Variants in FANCB observed in about 807,000 individuals in gnomAD.
FANCB encodes Fanconi anemia group B protein.
FANCB carries 5 observed loss-of-function variants against 38.9 expected under a neutral mutation model. The ratio of observed to expected loss-of-function variants is 0.13; its 90% CI spans 0.07 to 0.27. FANCB has a LOEUF of 0.27. Ranked by LOEUF, FANCB falls within the 10% of genes least tolerant of loss-of-function variation. FANCB has a pLI of 1.00. For missense variants in FANCB, 573 were observed against 602.7 expected (o/e 0.95, Z 0.52); for synonymous variants, 236 against 215.4 (o/e 1.10, Z -0.84).
chrX:14,730,941 CACACACACA>C, the FANCB span: 1 of 78,053 alleles, frequency 1.3e-5, no homozygotes, highest in Non-Finnish European at 2.6e-5. Flanking sequence ...CACACACACA[CACACACACA>C]AACTTCAAAA....
the FANCB span, among the ~76,000 whole-genome samples, chrX:14,700,846 A>G: frequency 1.8e-5 from 2 of 110,213 alleles, no homozygotes; most frequent in Non-Finnish European, 1.9e-5. Context: ...GTACATTTAA[A>G]TGCTGATGAG....
At chrX:14,854,172 T>C (rs942683840) in intron 5 of FANCB, among the ~76,000 whole-genome samples, 2 of 111,599 alleles carry the variant, frequency 1.8e-5, no homozygotes, top group African/African-American at 3.3e-5. Context: ...CCTAGTTCTG[T>C]GGGATGCACA....
At chrX:14,829,211 TG>T in the FANCB span, among the ~76,000 whole-genome samples, 1 of 112,111 alleles carries the variant, frequency 8.9e-6, no homozygotes, top group African/African-American at 3.2e-5. Flanking sequence ...GAAATCTTTT[TG>T]TTCTGAGCAG....
the FANCB span, among the ~76,000 whole-genome samples, chrX:14,793,378 G>T: frequency 1.8e-5 from 2 of 111,966 alleles, no homozygotes; most frequent in African/African-American, 6.5e-5. Context: ...ATTGGCAGCT[G>T]CTTAGCAGTA....
the FANCB span, among the ~76,000 whole-genome samples, chrX:14,739,400 C>T: frequency 9.0e-6 from 1 of 111,496 alleles, no homozygotes; most frequent in Non-Finnish European, 1.9e-5. Context: ...AGAGTTTGAA[C>T]ATCCAGCACA....
chrX:14,784,195 A>C, the FANCB span, among the ~76,000 whole-genome samples: 349 of 112,527 alleles, frequency 3.1e-3, 1 homozygote, highest in African/African-American at 0.01. Flanking sequence ...GGGCAACAAG[A>C]AGCGAAACTC....
At chrX:14,805,846 C>T in the FANCB span, among the ~76,000 whole-genome samples, 282 of 111,985 alleles carry the variant, frequency 2.5e-3, 1 homozygote, top group African/African-American at 8.6e-3. Context: ...ATCCCATTCA[C>T]TGCAGCTCAA....
At position 14,860,117 on chromosome X, in the gene FANCB, C is replaced by T. The variant is rs750647261; in HGVS notation, c.952-783G>A. 9.0e-5 allele frequency among the ~76,000 whole-genome samples: 10 copies of T among 111,495 alleles called. No homozygotes were observed. In the South Asian group the frequency reaches 3.8e-3, roughly 42 times the overall value. On this transcript the variant is annotated intron_variant, in intron 3 of 9. Coordinates refer to ENST00000650831, the MANE Select transcript of FANCB (RefSeq NM_001018113.3). ...TAGCTGAAAGCCTCAAGATTGGTCCCAGGGTAAACTAACACCATGAGGATC... is the reference window on the plus strand; with the variant it reads ...TAGCTGAAAGCCTCAAGATTGGTCCTAGGGTAAACTAACACCATGAGGATC...
chrX:14,784,036 C>T, the FANCB span, among the ~76,000 whole-genome samples: 1 of 111,399 alleles, frequency 9.0e-6, no homozygotes, highest in Non-Finnish European at 1.9e-5. Flanking sequence ...ATGGTGAAAC[C>T]CCATCTCTAC....
the FANCB span, among the ~76,000 whole-genome samples, chrX:14,776,509 G>T: frequency 1.5e-4 from 17 of 111,993 alleles, no homozygotes; most frequent in Middle Eastern, 9.1e-3. Flanking sequence ...TCAGCAATTT[G>T]TAAATGGTAT....
chrX:14,771,792 AGGTCACTGACCTTTGAATG>A, the FANCB span, among the ~76,000 whole-genome samples: 4 of 111,807 alleles, frequency 3.6e-5, no homozygotes, highest in African/African-American at 1.3e-4. Flanking sequence ...TCAATCTTTG[AGGTCACTGACCTTTGAATG>A]AGTTTTTTGT....
the FANCB span, chrX:14,690,906 G>T: frequency 8.6e-7 from 1 of 1,158,370 alleles, no homozygotes; most frequent in African/African-American, 1.8e-5. Context: ...GAGTTGGTTA[G>T]CTAGGCAATG....
chrX:14,743,901 G>A, the FANCB span, among the ~76,000 whole-genome samples: 2 of 111,466 alleles, frequency 1.8e-5, no homozygotes, highest in Admixed American at 9.6e-5. Context: ...CTCTCTGTAT[G>A]TCTGTCTCTA....
At chrX:14,793,440 T>C in the FANCB span, among the ~76,000 whole-genome samples, 1 of 112,124 alleles carries the variant, frequency 8.9e-6, no homozygotes, top group Non-Finnish European at 1.9e-5. Flanking sequence ...ATTCTAAAAT[T>C]GGTTGTAGTA....
At chrX:14,867,112 G>T (rs1282651403) in intron 2 of FANCB, among the ~76,000 whole-genome samples, 1 of 111,543 alleles carries the variant, frequency 9.0e-6, no homozygotes, top group East Asian at 2.8e-4. Context: ...AAGATCCCAT[G>T]CTCATGGATT....
the FANCB span, among the ~76,000 whole-genome samples, chrX:14,769,752 T>A: frequency 1.5e-4 from 17 of 111,905 alleles, no homozygotes; most frequent in Admixed American, 1.9e-4. Context: ...GATATTAGGT[T>A]AACTTGAGAT....
At chrX:14,768,320 T>A in the FANCB span, among the ~76,000 whole-genome samples, 1 of 112,093 alleles carries the variant, frequency 8.9e-6, no homozygotes, top group Non-Finnish European at 1.9e-5. Flanking sequence ...TTTGTTTGTG[T>A]CCTCTCTGAT....
chrX:14,767,482 AC>A, the FANCB span, among the ~76,000 whole-genome samples: 3 of 111,253 alleles, frequency 2.7e-5, no homozygotes, highest in African/African-American at 9.8e-5. Flanking sequence ...GGCCCCATGT[AC>A]ATCTTCTTAT....
the FANCB span, among the ~76,000 whole-genome samples, chrX:14,751,659 G>T: frequency 9.0e-6 from 1 of 111,499 alleles, no homozygotes; most frequent in Non-Finnish European, 1.9e-5. Flanking sequence ...CCCCCAAAGG[G>T]CTTAAATATT....
Sources: gnomAD v4.1 joint callset for allele counts (sites outside exome capture counted in the v4.1 genomes callset) on GRCh38, gnomAD v4.1.1 for gene constraint, MANE v1.5 for transcripts, NCBI Gene and HGNC (gene_info 2026-07-23, HGNC 2026-07-21) for gene names.